Variants in PKD1 observed in about 807,000 individuals in gnomAD.
PKD1 encodes polycystin-1.
A neutral mutation model predicts 361.7 loss-of-function variants in PKD1; 81 were observed. That is an observed-to-expected ratio of 0.22 (90% CI 0.19 to 0.27). PKD1 has a LOEUF of 0.27. Among genes scored for constraint, PKD1 ranks in the 10% least tolerant of loss-of-function variants. The pLI is 1.00. For missense variants in PKD1, 6,399 were observed against 6,118.3 expected (o/e 1.05, Z -1.53); for synonymous variants, 3,615 against 2,818.3 (o/e 1.28, Z -8.95).
chr16:2,133,534 C>T (rs532784328), intron 1 of PKD1, among the ~76,000 whole-genome samples: 3 of 150,834 alleles, frequency 2.0e-5, no homozygotes, highest in South Asian at 4.2e-4. Flanking sequence ...AAAACCCAGC[C>T]GTCTCCCCGA....
chr16:2,111,228 G>A lies in PKD1; in HGVS notation c.3939C>T (p.Leu1313=), dbSNP rs1042476625. ...CCGGGTTCCCGGTGACGTAGGCCGT[G>A]AGCCGCGCGTCAGGCTGCGTGGGGA... ...ACIPTQPDAR[L]TAYVTGNPAH... The change falls in exon 15 of 46, where the codon CTC becomes CTT. Residue 1313 remains leucine, a synonymous_variant. Coordinates refer to ENST00000262304, the MANE Select transcript of PKD1 (RefSeq NM_001009944.3). The A allele has an allele frequency of 3.7e-6, 6 of 1,610,960 alleles. No individual in the cohort carries two copies. The highest frequency in any genetic ancestry group is 2.2e-5 in the East Asian group (1 of 44,872).
chr16:2,108,956 A>T lies in PKD1; in HGVS notation c.6211T>A (p.Cys2071Ser). The change falls in exon 15 of 46, where the codon TGC (cysteine) becomes AGC (serine). Residue 2071 changes from cysteine to serine, a missense_variant. By Grantham distance (112) the Cys-to-Ser change is moderately radical (BLOSUM62 -1). Coordinates refer to ENST00000262304, the MANE Select transcript of PKD1 (RefSeq NM_001009944.3). ...AACTGCGCCGAGCGGTTGGTGAAGC[A>T]GGGGCCGCTCTGCAGGGCCACATAC... ...VQYVALQSGP[C>S]FTNRSAQFEA... 1 of 1,608,170 alleles carries T rather than the reference A, an allele frequency of 6.2e-7. No individual in the cohort carries two copies. Among genetic ancestry groups the T allele is most frequent in the Non-Finnish European group, 8.5e-7 (1 of 1,178,646 alleles).
chr16:2,114,946 C>G (rs1223663744), intron 10 of PKD1, 21 bp from the exon 11 acceptor site: 36 of 1,527,188 alleles, frequency 2.4e-5, no homozygotes, highest in Non-Finnish European at 3.2e-5. Flanking sequence ...GGAGGCAGGG[C>G]TGCATCACGT....
In PKD1 at chr16:2,089,987, C is replaced by T. The variant is rs1448465172; in HGVS notation, c.12652G>A (p.Val4218Met). The T allele has an allele frequency of 3.7e-6, 6 of 1,611,588 alleles. No homozygotes were observed. Among genetic ancestry groups the T allele is most frequent in the Non-Finnish European group, 4.2e-6 (5 of 1,179,568 alleles). The change falls in exon 46 of 46, where the codon GTG (valine) becomes ATG (methionine). Residue 4218 changes from valine to methionine, a missense_variant. Coordinates refer to ENST00000262304, the MANE Select transcript of PKD1 (RefSeq NM_001009944.3). ...CEPEPSRLQA[V>M]FEALLTQFDR... ...AACTGGGTGAGCAGGGCCTCGAACA[C>T]GGCTTGGAGGCGGGAGGGCTCAGGC...
intron 1 of PKD1, among the ~76,000 whole-genome samples, chr16:2,125,761 G>A (rs1373467460): frequency 3.3e-5 from 5 of 151,998 alleles, no homozygotes; most frequent in African/African-American, 4.8e-5. Context: ...AATGAGGGCC[G>A]GCTCCTGGTG....
intron 1 of PKD1, 114 bp downstream of exon 1, chr16:2,135,361 C>T: frequency 9.4e-7 from 1 of 1,064,008 alleles, no homozygotes; most frequent in Non-Finnish European, 1.1e-6. Flanking sequence ...CGCGCCGGAG[C>T]CTCGCCCTGG....
rs150797875 is a variant in PKD1 at position 2,110,498 on chromosome 16, G to A, written c.4669C>T (p.Arg1557Cys). The A allele has an allele frequency of 3.6e-5, 58 of 1,612,284 alleles. 1 individual carries two copies. Among genetic ancestry groups the A allele is most frequent in the East Asian group, 1.3e-4 (6 of 44,886 alleles). The change falls in exon 15 of 46, where the codon CGC becomes TGC. Residue 1557 changes from arginine (R) to cysteine (C), a missense_variant. Coordinates refer to ENST00000262304, the MANE Select transcript of PKD1 (RefSeq NM_001009944.3). ...RVRGLVVNAS[R>C]TVVPLNGSVS... is the part of the protein sequence containing the mutation. Reference sequence around the variant, plus strand: ...CTCCCATTCAGGGGCACCACCGTGCGGCTTGCATTGACGACGAGCCCCCGC... The same window carrying A: ...CTCCCATTCAGGGGCACCACCGTGCAGCTTGCATTGACGACGAGCCCCCGC...
chr16:2,116,923 C>G lies in PKD1; in HGVS notation c.1516G>C (p.Glu506Gln), dbSNP rs1293926730. 1 of 1,518,860 alleles carries G rather than the reference C, an allele frequency of 6.6e-7. No homozygotes were observed. Among genetic ancestry groups the G allele is most frequent in the Non-Finnish European group, 8.9e-7 (1 of 1,129,406 alleles). The allele number at this position is 1,518,860 out of a possible 1,614,324, so 94.1% of individuals were successfully genotyped here. The change falls in exon 7 of 46, where the codon GAG (glutamate) becomes CAG (glutamine). Residue 506 changes from glutamate to glutamine, a missense_variant. Glu to Gln is a conservative substitution (Grantham distance 29, BLOSUM62 2). Transcript: ENST00000262304. ...LPGEPHPATA[E>Q]HCVRLGPTGW... ...GTGGGCCCGAGCCGGACGCAGTGCTCGGCTGTGGCTGGGTGTGGCTCCCCG... is the reference window on the plus strand; with the variant it reads ...GTGGGCCCGAGCCGGACGCAGTGCTGGGCTGTGGCTGGGTGTGGCTCCCCG...
At chr16:2,102,681 G>T in intron 24 of PKD1, 48 bp from the exon 25 acceptor site, 1 of 1,610,170 alleles carries the variant, frequency 6.2e-7, no homozygotes, top group South Asian at 1.1e-5. Context: ...CCGCCAGGTT[G>T]GATGTCGCAG....
intron 22 of PKD1, among the ~76,000 whole-genome samples, chr16:2,104,220 G>A (rs1053887768): frequency 6.5e-4 from 18 of 27,604 alleles, no homozygotes; most frequent in African/African-American, 3.5e-3. Context: ...GAAGGGGGAT[G>A]AGGGGGATGA....
In PKD1 at chr16:2,100,316, A is replaced by G. The variant is rs1567170839; in HGVS notation, c.9569-7T>C. 1 of 1,609,980 alleles carries G rather than the reference A, an allele frequency of 6.2e-7. No homozygotes were observed. Among genetic ancestry groups the G allele is most frequent in the African/African-American group, 1.3e-5 (1 of 74,546 alleles). On this transcript the variant is annotated splice_region_variant and splice_polypyrimidine_tract_variant and intron_variant, in intron 27 of 45. Coordinates refer to ENST00000262304, the MANE Select transcript of PKD1 (RefSeq NM_001009944.3). The surrounding 1 kb of genome is among the most constrained non-coding windows in gnomAD (Gnocchi z 4.4). ...AACCAGGCAGGGCTGAGCCCTGCAG[A>G]GGCGCAGGAGGGAGGTCAGGCTCGC...
chr16:2,106,677 G>A lies in PKD1; in HGVS notation c.7210C>T (p.Arg2404Trp), dbSNP rs766631753. ...LNCSSGSKRGRWAARTFSNKT... is the reference protein window; with the variant it reads ...LNCSSGSKRGWWAARTFSNKT... ...TTGCTGAACGTACGTGCAGCCCACCGCTGCAGGCAGAAGGGGTGGTGAGGG... is the reference window on the plus strand; with the variant it reads ...TTGCTGAACGTACGTGCAGCCCACCACTGCAGGCAGAAGGGGTGGTGAGGG... Residue 2404 changes from arginine to tryptophan, a missense_variant and splice_region_variant, in exon 18 of 46, where the codon CGG (arginine) becomes TGG (tryptophan). By Grantham distance (101) the Arg-to-Trp change is moderately radical. Coordinates refer to ENST00000262304, the MANE Select transcript of PKD1 (RefSeq NM_001009944.3). This position sits in a 1 kb window ranked among gnomAD's most constrained non-coding sequence, Gnocchi z 6.5. 193 of 1,593,272 alleles carry A rather than the reference G, an allele frequency of 1.2e-4. No individual in the cohort carries two copies. The highest frequency in any genetic ancestry group is 6.8e-4 in the Middle Eastern group (3 of 4,444).
chr16:2,094,039 A>G, intron 35 of PKD1, 26 bp from the exon 36 acceptor site: 1 of 1,592,626 alleles, frequency 6.3e-7, no homozygotes, highest in South Asian at 1.1e-5. Flanking sequence ...CAGACCTGTG[A>G]GAGGCAGCTC....
Position 2,091,037 on chromosome 16 carries a change from C to T in PKD1, c.11850G>A (p.Leu3950=), listed in dbSNP as rs1237559464. ...CGGCACCCAGCTGGGCGAGGCGTAC[C>T]AGTGCCGTGGCCGCCGTCAGCGCCA... ...LLVALTAATA[L]VRLAQLGAAD... The change falls in exon 43 of 46, where the codon CTG becomes CTA. Residue 3950 remains leucine (L), a synonymous_variant. Transcript: ENST00000262304. The T allele has an allele frequency of 2.0e-6, 3 of 1,529,656 alleles. No homozygotes were observed. The highest frequency in any genetic ancestry group is 2.6e-6 in the Non-Finnish European group (3 of 1,143,592). 94.8% of individuals were successfully genotyped at this position (1,529,656 alleles called of 1,614,324 possible).
intron 38 of PKD1, 42 bp from the exon 39 acceptor site, chr16:2,092,634 A>C (rs368366844): frequency 2.9e-6 from 4 of 1,392,676 alleles, no homozygotes; most frequent in African/African-American, 1.4e-5. Context: ...CTACTGCCCC[A>C]TGCCCGCCTC....
Position 2,088,725 on chromosome 16 carries a change from T to TTAA in PKD1, c.*1001_*1002insTTA. ...GGCACAGATTGCAGTCAGACAGCTC[T>TTAA]TTTATTGACTTTGTCTGCTTGGTGC... On this transcript the variant is annotated 3_prime_UTR_variant, in exon 46 of 46. Coordinates refer to ENST00000262304, the MANE Select transcript of PKD1 (RefSeq NM_001009944.3). The TTAA allele has an allele frequency of 7.2e-7, 1 of 1,382,298 alleles. No individual in the cohort carries two copies. The highest frequency in any genetic ancestry group is 2.5e-5 in the East Asian group (1 of 39,882). 85.6% of individuals were successfully genotyped at this position (1,382,298 alleles called of 1,614,324 possible).
Position 2,111,329 on chromosome 16 carries a change from C to G in PKD1, c.3838G>C (p.Ala1280Pro). The change falls in exon 15 of 46, where the codon GCC (alanine) becomes CCC (proline). Residue 1280 changes from alanine (A) to proline (P), a missense_variant. Transcript: ENST00000262304. The stretch of plus-strand genomic sequence containing the variant: ...TGCAGGCTCCGGGCCAGGTGGCCGG[C>G]GGGGCTGGCCGCACCCACGGTCACT... ...CTVTVGAASP[A>P]GHLARSLHVL... 1.2e-6 allele frequency: 2 copies of G among 1,608,306 alleles called. No homozygotes were observed. The highest frequency in any genetic ancestry group is 1.7e-6 in the Non-Finnish European group (2 of 1,178,826).
chr16:2,132,995 G>C (rs952799582), intron 1 of PKD1: 1 of 150,502 alleles, frequency 6.6e-6, no homozygotes, highest in African/African-American at 2.5e-5. Context: ...GCAGGAAAAA[G>C]CGCTTGAACC....
intron 25 of PKD1, 31 bp from the exon 26 acceptor site, chr16:2,102,287 G>C (rs967792978): frequency 1.4e-6 from 2 of 1,469,018 alleles, no homozygotes; most frequent in Admixed American, 3.8e-5. Context: ...GGCCCAGGAG[G>C]TCACGTGCAA....
Sources: gnomAD v4.1 joint callset for allele counts (sites outside exome capture counted in the v4.1 genomes callset) on GRCh38, gnomAD v4.1.1 for gene constraint, Gnocchi (gnomAD v3.1) non-coding constraint, MANE v1.5 for transcripts, NCBI Gene and HGNC (gene_info 2026-07-23, HGNC 2026-07-21) for gene names.